The following DOC2A variants were observed in gnomAD, a reference collection of about 807,000 sequenced individuals.
DOC2A encodes the protein double C2 domain alpha, also known as double C2-like domain-containing protein alpha.
In DOC2A, 28 loss-of-function variants were observed where a neutral mutation model predicts 40.6. The observed-to-expected ratio is 0.69, with a 90% CI of 0.51 to 0.95. The LOEUF (loss-of-function observed/expected upper bound fraction) is 0.95. Ranked by LOEUF, DOC2A falls within the 40% of genes least tolerant of loss-of-function variation. DOC2A has a pLI of 0.00. For missense variants in DOC2A, 474 were observed against 552.5 expected (o/e 0.86, Z 1.42); for synonymous variants, 241 against 236.9 (o/e 1.02, Z -0.16).
Position 30,009,043 on chromosome 16 carries a change from C to A in DOC2A, c.480G>T (p.Leu160=). Residue 160 remains leucine (L), a synonymous_variant, in exon 5 of 11, where the codon CTG becomes CTT. Coordinates refer to ENST00000350119, the MANE Select transcript of DOC2A (RefSeq NM_003586.3). This position sits in a 1 kb window ranked among gnomAD's most constrained non-coding sequence, Gnocchi z 4.1. ...CGTCATCTGTGATCCCGCTGTAAGT[C>A]AGGTCCTCATTCCACACGGGATTCA... ...NTLNPVWNED[L]TYSGITDDDI... 2 of 1,614,138 alleles carry A rather than the reference C, an allele frequency of 1.2e-6. No individual in the cohort carries two copies. The highest frequency in any genetic ancestry group is 1.1e-5 in the South Asian group (1 of 91,066).
At chr16:30,021,872 C>T (rs1057044418), upstream of DOC2A, among the ~76,000 whole-genome samples, 3 of 148,776 alleles carry the variant, frequency 2.0e-5, no homozygotes, top group Admixed American at 6.7e-5. Context: ...AGAGAGGAAC[C>T]CCCCCCCCAG....
upstream of DOC2A, chr16:30,011,165 C>T: frequency 1.6e-6 from 1 of 624,514 alleles, no homozygotes; most frequent in Non-Finnish European, 2.0e-6. Context: ...CACGCGAGCG[C>T]GCACACACAC....
Position 30,005,586 on chromosome 16 carries a change from T to G in DOC2A, c.*600A>C, listed in dbSNP as rs1765706405. 5.1e-6 allele frequency: 4 copies of G among 783,494 alleles called. No homozygotes were observed. Among genetic ancestry groups the G allele is most frequent in the Non-Finnish European group, 8.3e-6 (4 of 481,326 alleles). The allele number at this position is 783,494 out of a possible 1,614,324, so 48.5% of individuals were successfully genotyped here. ...GACACAACCAGAAAAGGCGTAAACA[T>G]GCACGGGTGTCCCCCAGGAGGGTGG... On this transcript the variant is annotated 3_prime_UTR_variant, in exon 11 of 11. Transcript: ENST00000350119.
At position 30,005,646 on chromosome 16, in the gene DOC2A, G is replaced by T; in HGVS notation, c.*540C>A. The T allele has an allele frequency of 1.7e-6, 1 of 593,864 alleles. No homozygotes were observed. The highest frequency in any genetic ancestry group is 2.9e-6 in the Non-Finnish European group (1 of 342,140). 36.8% of individuals were successfully genotyped at this position (593,864 alleles called of 1,614,324 possible). On this transcript the variant is annotated 3_prime_UTR_variant, in exon 11 of 11. Transcript: ENST00000350119. ...TGCCTTCAAACCCCGGCCCCCTCCA[G>T]GGGACAGTTATTTAAACGAGTGGCC...
chr16:30,005,606 G>A lies in DOC2A; in HGVS notation c.*580C>T, dbSNP rs2070551049. The A allele has an allele frequency of 1.3e-5, 9 of 701,566 alleles. No individual in the cohort carries two copies. The highest frequency in any genetic ancestry group is 2.1e-5 in the Non-Finnish European group (9 of 420,412). The allele number at this position is 701,566 out of a possible 1,614,324, so 43.5% of individuals were successfully genotyped here. A position where few individuals can be genotyped will look rare whatever the true frequency, so the allele number is the denominator to read the frequency against. On this transcript the variant is annotated 3_prime_UTR_variant, in exon 11 of 11. Coordinates refer to ENST00000350119, the MANE Select transcript of DOC2A (RefSeq NM_003586.3). ...AAACATGCACGGGTGTCCCCCAGGA[G>A]GGTGGCAGGGGCCCTGCCTTCAAAC...
In DOC2A at chr16:30,009,549, C is replaced by T; in HGVS notation, c.271G>A (p.Gly91Ser). Residue 91 changes from glycine to serine, a missense_variant, in exon 3 of 11, where the codon GGC becomes AGC. By Grantham distance (56) the Gly-to-Ser change is moderately conservative. Coordinates refer to ENST00000350119, the MANE Select transcript of DOC2A (RefSeq NM_003586.3). The surrounding 1 kb of genome is among the most constrained non-coding windows in gnomAD (Gnocchi z 4.1). ...SYDSDDATAL[G>S]TLEFDLLYDR... Reference sequence around the variant, plus strand: ...TAGAGAAGGTCAAACTCCAGCGTGCCTAGGGCGGCTGGAGAGAGAGGAAAG... The same window carrying T: ...TAGAGAAGGTCAAACTCCAGCGTGCTTAGGGCGGCTGGAGAGAGAGGAAAG... 1 of 1,551,210 alleles carries T rather than the reference C, an allele frequency of 6.4e-7. No individual in the cohort carries two copies. The highest frequency in any genetic ancestry group is 1.2e-5 in the South Asian group (1 of 84,058).
chr16:30,005,880 G>C lies in DOC2A; in HGVS notation c.*306C>G, dbSNP rs978002069. 1 of 502,698 alleles carries C rather than the reference G, an allele frequency of 2.0e-6. No homozygotes were observed. The highest frequency in any genetic ancestry group is 3.5e-6 in the Non-Finnish European group (1 of 282,332). The allele number at this position is 502,698 out of a possible 1,614,324, so 31.1% of individuals were successfully genotyped here. A position where few individuals can be genotyped will look rare whatever the true frequency, so the allele number is the denominator to read the frequency against. On this transcript the variant is annotated 3_prime_UTR_variant, in exon 11 of 11. Coordinates refer to ENST00000350119, the MANE Select transcript of DOC2A (RefSeq NM_003586.3). ...CTCCCTGTTGGGGGAGAGGGACGGG[G>C]CAGCGTGGAGAGGCAGGAGTGAGGA... is the stretch of plus-strand genomic sequence containing the variant.
chr16:30,019,830 G>A (rs2070892290), intron 1 of DOC2A, among the ~76,000 whole-genome samples: 1 of 152,116 alleles, frequency 6.6e-6, no homozygotes, highest in African/African-American at 2.4e-5. Flanking sequence ...CACCTACCGG[G>A]CTCAAGTGAT....
intron 5 of DOC2A, chr16:30,008,794 C>G: frequency 3.5e-6 from 2 of 572,088 alleles, no homozygotes; most frequent in Non-Finnish European, 6.4e-6. Flanking sequence ...GTGTGAGCCA[C>G]CACACCTGGC....
At chr16:30,014,417 C>T (rs1208770790), upstream of DOC2A, among the ~76,000 whole-genome samples, 1 of 151,914 alleles carries the variant, frequency 6.6e-6, no homozygotes, top group Non-Finnish European at 1.5e-5. Context: ...GGGTGGATCA[C>T]GAGGTCAGGA....
In DOC2A at chr16:30,010,422, A is replaced by G; in HGVS notation, c.-13-187T>C. The G allele has an allele frequency of 9.3e-6, 7 of 756,634 alleles. No individual in the cohort carries two copies. The highest frequency in any genetic ancestry group is 1.5e-5 in the Non-Finnish European group (7 of 454,994). 46.9% of individuals were successfully genotyped at this position (756,634 alleles called of 1,614,324 possible). On this transcript the variant is annotated intron_variant, in intron 1 of 10. Coordinates refer to ENST00000350119, the MANE Select transcript of DOC2A (RefSeq NM_003586.3). This position sits in a 1 kb window ranked among gnomAD's most constrained non-coding sequence, Gnocchi z 4.2. ...GCCCTGCAGACCCCAAGCTGACTCCACAGGGGCTGGGCTGCCAACCCACTC... is the reference window on the plus strand; with the variant it reads ...GCCCTGCAGACCCCAAGCTGACTCCGCAGGGGCTGGGCTGCCAACCCACTC...
Position 30,010,029 on chromosome 16 carries a change from G to T in DOC2A, c.194C>A (p.Ala65Glu). Residue 65 changes from alanine to glutamate, a missense_variant, in exon 2 of 11, where the codon GCA (alanine) becomes GAA (glutamate). By Grantham distance (107) the Ala-to-Glu change is moderately radical. Coordinates refer to ENST00000350119, the MANE Select transcript of DOC2A (RefSeq NM_003586.3). This position sits in a 1 kb window ranked among gnomAD's most constrained non-coding sequence, Gnocchi z 4.2. ...HLVPLALAPP[A>E]ALLGATTPED... Reference sequence around the variant, plus strand: ...AGGCGTGGTGGCCCCAAGGAGGGCTGCAGGGGGGGCCAGAGCCAGGGGGAC... The same window carrying T: ...AGGCGTGGTGGCCCCAAGGAGGGCTTCAGGGGGGGCCAGAGCCAGGGGGAC... 1 of 1,612,142 alleles carries T rather than the reference G, an allele frequency of 6.2e-7. No homozygotes were observed. Among genetic ancestry groups the T allele is most frequent in the Non-Finnish European group, 8.5e-7 (1 of 1,179,742 alleles).
chr16:30,013,350 C>G (rs1227951007), upstream of DOC2A: 1 of 147,804 alleles, frequency 6.8e-6, no homozygotes, highest in Non-Finnish European at 1.5e-5. Flanking sequence ...ACTGCAAGCT[C>G]CACCTCCCAG....
chr16:30,016,573 C>G (rs1168793044), upstream of DOC2A, among the ~76,000 whole-genome samples: 2 of 152,184 alleles, frequency 1.3e-5, no homozygotes, highest in Non-Finnish European at 2.9e-5. Flanking sequence ...GGTGCTTGCT[C>G]AACCCCAGCC....
At chr16:30,014,290 C>T (rs556446627), upstream of DOC2A, among the ~76,000 whole-genome samples, 24 of 150,990 alleles carry the variant, frequency 1.6e-4, no homozygotes, top group Non-Finnish European at 3.1e-4. Flanking sequence ...TACAGGCGTG[C>T]GCCACTGTGC....
At chr16:30,013,633 AG>A (rs2070822040), upstream of DOC2A, 1 of 149,608 alleles carries the variant, frequency 6.7e-6, no homozygotes, top group African/African-American at 2.5e-5. Flanking sequence ...AAAAATCCTT[AG>A]ACCCAGAAAT....
chr16:30,012,327 A>G (rs2070796005), upstream of DOC2A: 1 of 152,118 alleles, frequency 6.6e-6, no homozygotes, highest in African/African-American at 2.4e-5. Context: ...CCGCTTCGCC[A>G]GTGCCTCCCC....
In DOC2A at chr16:30,005,591, G is replaced by A. The variant is rs545832540; in HGVS notation, c.*595C>T. Reference sequence around the variant, plus strand: ...AACCAGAAAAGGCGTAAACATGCACGGGTGTCCCCCAGGAGGGTGGCAGGG... The same window carrying A: ...AACCAGAAAAGGCGTAAACATGCACAGGTGTCCCCCAGGAGGGTGGCAGGG... On this transcript the variant is annotated 3_prime_UTR_variant, in exon 11 of 11. Coordinates refer to ENST00000350119, the MANE Select transcript of DOC2A (RefSeq NM_003586.3). 8.6e-5 allele frequency: 67 copies of A among 776,832 alleles called. No individual in the cohort carries two copies. Among genetic ancestry groups the A allele is most frequent in the Non-Finnish European group, 1.2e-4 (59 of 476,352 alleles). 48.1% of individuals were successfully genotyped at this position (776,832 alleles called of 1,614,324 possible). A position where few individuals can be genotyped will look rare whatever the true frequency, so the allele number is the denominator to read the frequency against.
chr16:30,017,199 A>G (rs1262534857), upstream of DOC2A, among the ~76,000 whole-genome samples: 2 of 151,720 alleles, frequency 1.3e-5, no homozygotes, highest in African/African-American at 4.8e-5. Context: ...TGATCGCTTG[A>G]GCCCAGGAGT....
Sources: allele counts gnomAD v4.1 joint callset (sites outside exome capture counted in the v4.1 genomes callset), GRCh38; gene constraint gnomAD v4.1.1; non-coding constraint Gnocchi (gnomAD v3.1); transcripts MANE v1.5; gene names NCBI Gene and HGNC (gene_info 2026-07-23, HGNC 2026-07-21).